Variants in FMN1 observed in about 807,000 individuals in gnomAD.
The protein encoded by FMN1 is formin-1.
A neutral mutation model predicts 132.4 loss-of-function variants in FMN1; 110 were observed. The observed-to-expected ratio is 0.83, with a 90% CI of 0.71 to 0.97. The LOEUF is 0.97. Ranked by LOEUF, FMN1 falls within the 50% of genes least tolerant of loss-of-function variation. The pLI is 0.00. For synonymous variants in FMN1, 722 were observed against 651.7 expected, an observed-to-expected ratio of 1.11 and a Z score of -1.64; for missense variants, 1,792 against 1,705.3, an observed-to-expected ratio of 1.05 and a Z score of -0.90.
chr15:33,016,331 G>A (rs1017851512), intron 6 of FMN1, among the ~76,000 whole-genome samples: 46 of 152,256 alleles, frequency 3.0e-4, no homozygotes, highest in African/African-American at 1.1e-3. Flanking sequence ...AGAGTCACAA[G>A]TCATTTATTC....
At chr15:32,837,406 T>C (rs2058652845) in intron 17 of FMN1, 1 of 153,642 alleles carries the variant, frequency 6.5e-6, no homozygotes, top group Admixed American at 6.5e-5. Flanking sequence ...AATCTAACTC[T>C]GGCGACAGTG....
intron 19 of FMN1, among the ~76,000 whole-genome samples, chr15:32,795,984 A>G (rs1488237510): frequency 6.6e-6 from 1 of 152,182 alleles, no homozygotes; most frequent in Non-Finnish European, 1.5e-5. Context: ...TTGTGCCCTG[A>G]CACCAGTTTA....
chr15:33,033,400 C>T (rs117121318), intron 6 of FMN1, among the ~76,000 whole-genome samples: 1,600 of 152,244 alleles, frequency 0.011, 11 homozygotes, highest in Middle Eastern at 0.02. Context: ...CACATCCTCC[C>T]GCCTACCACA....
At chr15:32,789,193 T>G (rs2056982189) in intron 19 of FMN1, among the ~76,000 whole-genome samples, 2 of 152,180 alleles carry the variant, frequency 1.3e-5, no homozygotes, top group East Asian at 3.8e-4. Flanking sequence ...TGTAATTATC[T>G]TCTAGGGGCC....
At chr15:33,045,690 A>G (rs777694795) in intron 6 of FMN1, among the ~76,000 whole-genome samples, 4 of 152,226 alleles carry the variant, frequency 2.6e-5, no homozygotes, top group Non-Finnish European at 5.9e-5. Context: ...GAGGCCCTGT[A>G]CAACTCACTG....
rs114127381 is a variant in FMN1, at chr15:32,802,650, T to C, written c.3980+1631A>G. ...CCACAGAGCTAATGCACGGCAGCAG[T>C]TTCGGCCCCTCCACGCTGGGCCCCC... On this transcript the variant is annotated intron_variant, in intron 18 of 20. Transcript: ENST00000616417. 1.4e-3 allele frequency among the ~76,000 whole-genome samples: 206 copies of C among 152,318 alleles called. 1 individual carries two copies. In the South Asian group the frequency reaches 0.021, roughly 16 times the overall value.
At chr15:33,022,203 T>C (rs1049500712) in intron 6 of FMN1, among the ~76,000 whole-genome samples, 6 of 152,252 alleles carry the variant, frequency 3.9e-5, no homozygotes, top group African/African-American at 1.2e-4. Context: ...TATGATGTTT[T>C]GGTATTTTTT....
intron 7 of FMN1, among the ~76,000 whole-genome samples, chr15:32,974,375 T>C (rs2032032511): frequency 6.6e-6 from 1 of 152,232 alleles, no homozygotes. Flanking sequence ...TCATTTTTAA[T>C]CACATCCTCT....
At chr15:33,056,873 A>G (rs2037241013) in intron 6 of FMN1, among the ~76,000 whole-genome samples, 1 of 152,238 alleles carries the variant, frequency 6.6e-6, no homozygotes, top group African/African-American at 2.4e-5. Flanking sequence ...ATTTATATTA[A>G]GTTCAAAAGC....
At chr15:33,075,919 G>T (rs2038189710) in intron 5 of FMN1, among the ~76,000 whole-genome samples, 1 of 152,182 alleles carries the variant, frequency 6.6e-6, no homozygotes, top group Admixed American at 6.5e-5. Context: ...TGAAATAAAA[G>T]ATTACAGACA....
chr15:33,086,622 T>G (rs1056375318), intron 5 of FMN1, among the ~76,000 whole-genome samples: 2 of 152,238 alleles, frequency 1.3e-5, no homozygotes, highest in Non-Finnish European at 2.9e-5. Flanking sequence ...CAAAATCTAC[T>G]TCAGCACTTT....
chr15:32,832,051 G>C (rs757921846), intron 17 of FMN1, among the ~76,000 whole-genome samples: 5 of 152,148 alleles, frequency 3.3e-5, no homozygotes, highest in Non-Finnish European at 7.3e-5. Context: ...TAGAGTTCCT[G>C]TGATCACTTA....
chr15:32,847,962 G>A (rs1354787727), intron 17 of FMN1, among the ~76,000 whole-genome samples: 2 of 152,132 alleles, frequency 1.3e-5, no homozygotes, highest in Non-Finnish European at 2.9e-5. Context: ...CTGAGATTTG[G>A]TTCTATGTTT....
At chr15:32,846,540 G>A (rs958250508) in intron 17 of FMN1, among the ~76,000 whole-genome samples, 2 of 152,054 alleles carry the variant, frequency 1.3e-5, no homozygotes, top group East Asian at 1.9e-4. Flanking sequence ...TCAGAATGGC[G>A]ATTAAAAAGT....
At chr15:32,902,726 C>T (rs1332112170) in intron 12 of FMN1, among the ~76,000 whole-genome samples, 3 of 152,148 alleles carry the variant, frequency 2.0e-5, no homozygotes, top group African/African-American at 7.2e-5. Flanking sequence ...GAGTACTGAC[C>T]TACACACAGT....
chr15:32,893,003 G>A (rs771818103), intron 15 of FMN1, among the ~76,000 whole-genome samples: 6 of 152,134 alleles, frequency 3.9e-5, no homozygotes, highest in Non-Finnish European at 7.4e-5. Flanking sequence ...ACTACAGAGG[G>A]CTTGTAAAAC....
rs529990141 is a variant in FMN1, at chr15:33,003,447, T to C, written c.2223+4567A>G. ...ATCATGAGTGAACTCCCATTCACAATTGCTTCAAAGGGAATAAAATACCTG... is the reference window on the plus strand; with the variant it reads ...ATCATGAGTGAACTCCCATTCACAACTGCTTCAAAGGGAATAAAATACCTG... On this transcript the variant is annotated intron_variant, in intron 7 of 20. Transcript: ENST00000616417. Among the ~76,000 whole-genome samples the C allele has an allele frequency of 8.9e-4, 136 of 152,314 alleles. 1 individual carries two copies. The highest frequency in any genetic ancestry group is 3.1e-3 in the African/African-American group (130 of 41,574).
chr15:32,929,394 A>G (rs992222615), intron 9 of FMN1, among the ~76,000 whole-genome samples: 2 of 152,150 alleles, frequency 1.3e-5, no homozygotes, highest in African/African-American at 2.4e-5. Context: ...TTTTTCTCCC[A>G]TGGCTTTGAA....
rs927994509 is a variant in FMN1 at position 32,881,348 on chromosome 15, T to C, written c.3835+6824A>G. ...ATCACTCCTGGATTAGAATTCAGCT[T>C]TCTTGTTTGATTAATTCATTTATCA... On this transcript the variant is annotated intron_variant, in intron 16 of 20. Transcript: ENST00000616417. 2.6e-5 allele frequency among the ~76,000 whole-genome samples: 4 copies of C among 152,206 alleles called. No individual in the cohort carries two copies. In the East Asian group the frequency reaches 5.8e-4, roughly 22 times the overall value.
Sources: allele counts gnomAD v4.1 joint callset (sites outside exome capture counted in the v4.1 genomes callset), GRCh38; gene constraint gnomAD v4.1.1; transcripts MANE v1.5; gene names NCBI Gene and HGNC (gene_info 2026-07-23, HGNC 2026-07-21).